Variants in MACF1 observed in about 807,000 individuals in gnomAD.
MACF1 encodes microtubule actin crosslinking factor 1.
A neutral mutation model predicts 854.8 loss-of-function variants in MACF1; 193 were observed. The ratio of observed to expected loss-of-function variants is 0.23; its 90% confidence interval spans 0.20 to 0.25. MACF1 has a LOEUF of 0.25. MACF1 is among the 10% of genes least tolerant of loss of function. The pLI is 1.00. For synonymous variants in MACF1, 3,185 were observed against 3,226.7 expected (o/e 0.99, Z 0.44); for missense variants, 7,722 against 8,929.1 (o/e 0.86, Z 5.45).
chr1:39,130,590 A>G (rs1280416069), intron 2 of MACF1, among the ~76,000 whole-genome samples: 3 of 152,168 alleles, frequency 2.0e-5, no homozygotes, highest in Non-Finnish European at 4.4e-5. Flanking sequence ...AGAACTTCCT[A>G]CAAGAGCTGA....
At chr1:39,163,512 G>A (rs1643847396) in intron 2 of MACF1, among the ~76,000 whole-genome samples, 1 of 152,126 alleles carries the variant, frequency 6.6e-6, no homozygotes, top group Admixed American at 6.5e-5. Flanking sequence ...GGTACTACTA[G>A]TCTGTAGGTA....
In MACF1 at chr1:39,318,686, G is replaced by A. The variant is rs57633065; in HGVS notation, c.3945+71G>A. 0.023 allele frequency: 32,277 copies of A among 1,416,020 alleles called. 1,374 individuals are homozygous for A. The highest frequency in any genetic ancestry group is 0.18 in the African/African-American group (12,801 of 69,504). 87.7% of individuals were successfully genotyped at this position (1,416,020 alleles called of 1,614,324 possible). On this transcript the variant is annotated intron_variant, in intron 30 of 100. Transcript: ENST00000564288. ...TTTCTTTATCATAAAAGAAAATGATGTACTGGCAATTAAAGCTTCCTCCAA... is the reference window on the plus strand; with the variant it reads ...TTTCTTTATCATAAAAGAAAATGATATACTGGCAATTAAAGCTTCCTCCAA...
At chr1:39,329,079 G>T (rs1289125007) in intron 36 of MACF1, among the ~76,000 whole-genome samples, 2 of 152,150 alleles carry the variant, frequency 1.3e-5, no homozygotes, top group Non-Finnish European at 1.5e-5. Flanking sequence ...ACATTCCAGT[G>T]AACTTTTTCC....
intron 2 of MACF1, among the ~76,000 whole-genome samples, chr1:39,140,433 C>T (rs1031877636): frequency 6.6e-6 from 1 of 152,186 alleles, no homozygotes; most frequent in Non-Finnish European, 1.5e-5. Context: ...TCTGACATCC[C>T]ATAGCACAGA....
chr1:39,211,070 G>A (rs1644509421), intron 1 of MACF1, among the ~76,000 whole-genome samples: 2 of 151,928 alleles, frequency 1.3e-5, no homozygotes, highest in African/African-American at 4.8e-5. Flanking sequence ...GGGTTCAAGT[G>A]ATTCTCCTGC....
chr1:39,425,244 T>C (rs1643687263), intron 61 of MACF1, among the ~76,000 whole-genome samples: 2 of 152,168 alleles, frequency 1.3e-5, no homozygotes, highest in Non-Finnish European at 2.9e-5. Context: ...GTCCATCTGT[T>C]TCTCTAATTC....
intron 2 of MACF1, chr1:39,102,802 A>G: frequency 1.4e-6 from 1 of 702,620 alleles, no homozygotes; most frequent in Admixed American, 2.0e-5. Context: ...TCAAAGACCA[A>G]AAGGAGAAAG....
chr1:39,091,355 G>A (rs1641797491), intron 2 of MACF1, among the ~76,000 whole-genome samples: 1 of 152,112 alleles, frequency 6.6e-6, no homozygotes, highest in Non-Finnish European at 1.5e-5. Flanking sequence ...GGTGACCCTG[G>A]GACGTTAGTC....
At chr1:39,379,059 T>C in intron 53 of MACF1, 144 bp from the exon 54 acceptor site, 1 of 884,096 alleles carries the variant, frequency 1.1e-6, no homozygotes, top group Non-Finnish European at 1.7e-6. Context: ...TGTATATAAA[T>C]GGGAACTTTT....
Position 39,372,491 on chromosome 1 carries a change from G to A in MACF1, c.13108G>A (p.Asp4370Asn), listed in dbSNP as rs1649336396. The A allele has an allele frequency of 1.2e-6, 2 of 1,610,170 alleles. No homozygotes were observed. The highest frequency in any genetic ancestry group is 2.7e-5 in the African/African-American group (2 of 74,824). The change falls in exon 52 of 101, where the codon GAC (aspartate) becomes AAC (asparagine). Residue 4370 changes from aspartate to asparagine, a missense_variant. This residue lies in a region of MACF1 where 2,807 missense variants were observed against 3,235.8 expected (regional missense o/e 0.87). Transcript: ENST00000564288. ...QIEHLKSLLD[D>N]WASKGTLVEE... ...CTTCTTTAAACAGAGTCTACTAGAT[G>A]ACTGGGCAAGTAAGGGAACTCTGGT... is the stretch of plus-strand genomic sequence containing the variant.
chr1:39,468,645 C>T lies in MACF1; in HGVS notation c.21802C>T (p.Arg7268Cys). 1 of 1,614,054 alleles carries T rather than the reference C, an allele frequency of 6.2e-7. No homozygotes were observed. The highest frequency in any genetic ancestry group is 8.5e-7 in the Non-Finnish European group (1 of 1,179,994). ...FGDSQQLRLV[R>C]ILRSTVMVRV... The stretch of plus-strand genomic sequence containing the variant: ...GGATTCTCAGCAGTTGCGGCTGGTC[C>T]GTATTCTGCGCAGCACCGTGATGGT... The change falls in exon 96 of 101, where the codon CGT becomes TGT. Residue 7268 changes from arginine (R) to cysteine (C), a missense_variant. This residue lies in a region of MACF1 where 153 missense variants were observed against 342.5 expected (regional missense o/e 0.45). Transcript: ENST00000564288.
intron 2 of MACF1, among the ~76,000 whole-genome samples, chr1:39,195,025 C>A (rs1021671085): frequency 6.6e-6 from 1 of 152,336 alleles, no homozygotes; most frequent in Admixed American, 6.5e-5. Flanking sequence ...AATAAACTAT[C>A]TTCCTTCCAG....
At chr1:39,366,245 A>G (rs1648699890) in intron 49 of MACF1, among the ~76,000 whole-genome samples, 1 of 152,226 alleles carries the variant, frequency 6.6e-6, no homozygotes, top group African/African-American at 2.4e-5. Context: ...ATATACATAC[A>G]TAAGCAAATA....
intron 18 of MACF1, among the ~76,000 whole-genome samples, chr1:39,294,277 A>G (rs1645855132): frequency 6.6e-6 from 1 of 152,252 alleles, no homozygotes; most frequent in Non-Finnish European, 1.5e-5. Context: ...TTTCAATGAA[A>G]GATGTAGACA....
intron 20 of MACF1, 23 bp downstream of exon 20, chr1:39,295,905 T>A: frequency 6.3e-7 from 1 of 1,597,546 alleles, no homozygotes; most frequent in East Asian, 2.2e-5. Context: ...TCTGTGTTTG[T>A]GTGTGTGTGT....
At chr1:39,259,123 G>C (rs913282620) in intron 6 of MACF1, among the ~76,000 whole-genome samples, 1 of 152,160 alleles carries the variant, frequency 6.6e-6, no homozygotes, top group Non-Finnish European at 1.5e-5. Context: ...TATCCCTTTG[G>C]AACTCTTATG....
chr1:39,369,908 A>ATT lies in MACF1; in HGVS notation c.12939-121_12939-120dup, dbSNP rs1569752007. 4.6e-6 allele frequency: 4 copies of ATT among 872,046 alleles called. No homozygotes were observed. The East Asian group carries it at 1.0e-4, about 22-fold the overall frequency. The allele number at this position is 872,046 out of a possible 1,614,324, so 54.0% of individuals were successfully genotyped here. ...TTCAGCCAAACCTGCTATGGAAAAG[A>ATT]TTATGAGAAAGAAAGGCCATGTTAG... On this transcript the variant is annotated intron_variant, in intron 50 of 100. Transcript: ENST00000564288.
In MACF1 at chr1:39,105,658, A is replaced by C. The variant is rs770926863; in HGVS notation, c.220+21220A>C. On this transcript the variant is annotated intron_variant, in intron 2 of 93. Transcript: ENST00000361689. The surrounding 1 kb of genome is among the most constrained non-coding windows in gnomAD (Gnocchi z 5.9). ...TACGTGCCGGGTCAGCAGCCGGCCA[A>C]CCGCAGCCAGGAGAAGGAGTTCGTG... 8.1e-7 allele frequency: 1 copy of C among 1,236,760 alleles called. No homozygotes were observed. Among genetic ancestry groups the C allele is most frequent in the Non-Finnish European group, 1.0e-6 (1 of 963,208 alleles). 76.6% of individuals were successfully genotyped at this position (1,236,760 alleles called of 1,614,324 possible).
chr1:39,413,915 C>T, intron 58 of MACF1: 1 of 1,607,054 alleles, frequency 6.2e-7, no homozygotes, highest in African/African-American at 1.3e-5. Context: ...GAATTCACTT[C>T]CCCGGCAGCT....
Sources: gnomAD v4.1 joint callset for allele counts (sites outside exome capture counted in the v4.1 genomes callset) on GRCh38, gnomAD v4.1.1 for gene constraint, gnomAD v4.1.1 regional missense constraint, Gnocchi (gnomAD v3.1) non-coding constraint, MANE v1.5 for transcripts, NCBI Gene and HGNC (gene_info 2026-07-23, HGNC 2026-07-21) for gene names.